Variants in DCLRE1C observed in about 807,000 individuals in gnomAD.
DCLRE1C encodes the protein protein artemis.
Under a neutral mutation model 61.4 loss-of-function variants are expected in DCLRE1C, and 47 were observed. The ratio of observed to expected loss-of-function variants is 0.77; its 90% CI spans 0.61 to 0.98. The LOEUF (loss-of-function observed/expected upper bound fraction) is 0.98. Ranked by LOEUF, DCLRE1C falls within the 50% of genes least tolerant of loss-of-function variation. DCLRE1C has a pLI of 0.00. For missense variants in DCLRE1C, 858 were observed against 816.0 expected (o/e 1.05, Z -0.63); for synonymous variants, 337 against 287.6 (o/e 1.17, Z -1.74).
chr10:14,930,269 A>T (rs1255517350), intron 9 of DCLRE1C, among the ~76,000 whole-genome samples: 4 of 111,932 alleles, frequency 3.6e-5, no homozygotes, highest in Non-Finnish European at 7.1e-5. Flanking sequence ...GCACCACCAC[A>T]CTCAGCACCT....
In DCLRE1C at chr10:14,907,289, T is replaced by C. The variant is rs1229955027; in HGVS notation, c.*1119A>G. Among the ~76,000 whole-genome samples the C allele has an allele frequency of 6.6e-6, 1 of 150,618 alleles. No homozygotes were observed. Among genetic ancestry groups the C allele is most frequent in the Non-Finnish European group, 1.5e-5 (1 of 67,842 alleles). On this transcript the variant is annotated 3_prime_UTR_variant, in exon 14 of 14. Coordinates refer to ENST00000378278, the MANE Select transcript of DCLRE1C (RefSeq NM_001033855.3). ...GATTTTGTCTATAGCCATCAGTTTA[T>C]CATACTAGATCCAAGTTTGTCAATT...
Position 14,899,464 on chromosome 10 carries a change from A to G in DCLRE1C, c.1157-152T>C, listed in dbSNP as rs1276407274. On this transcript the variant is annotated intron_variant, in intron 13 of 13. Coordinates refer to the DCLRE1C transcript ENST00000378289. ...TTTTTAAATATTTGTAGGTATTCGC[A>G]TATTAGTAGATAGGTAGATGAATGC... is the stretch of plus-strand genomic sequence containing the variant. 8 of 1,485,296 alleles carry G rather than the reference A, an allele frequency of 5.4e-6. No individual in the cohort carries two copies. The East Asian group carries it at 1.6e-4, about 29-fold the overall frequency. The allele number at this position is 1,485,296 out of a possible 1,614,324, so 92.0% of individuals were successfully genotyped here.
intron 4 of DCLRE1C, among the ~76,000 whole-genome samples, chr10:14,938,328 T>C (rs2004392): frequency 0.16 from 25,067 of 151,990 alleles, 2,597 homozygotes; most frequent in African/African-American, 0.29. Context: ...CAGGATGGCA[T>C]TTACAAAGGT....
chr10:14,934,046 G>T (rs1385475504), intron 8 of DCLRE1C, among the ~76,000 whole-genome samples: 4 of 152,102 alleles, frequency 2.6e-5, no homozygotes, highest in East Asian at 1.9e-4. Flanking sequence ...AGAATGAACA[G>T]ACTGGGAACA....
chr10:14,933,055 A>G, intron 8 of DCLRE1C, 100 bp from the exon 9 acceptor site: 3 of 1,310,330 alleles, frequency 2.3e-6, no homozygotes, highest in Non-Finnish European at 2.2e-6. Flanking sequence ...TAGTGAATTA[A>G]CCCTCTCTTC....
intron 8 of DCLRE1C, 121 bp downstream of exon 8, chr10:14,934,259 T>G (rs1184864178): frequency 8.0e-6 from 11 of 1,379,036 alleles, no homozygotes; most frequent in Middle Eastern, 2.6e-4. Context: ...ACCCGGGAGG[T>G]GGAGGCTGCA....
intron 3 of DCLRE1C, among the ~76,000 whole-genome samples, chr10:14,944,754 A>G (rs1005904793): frequency 1.7e-4 from 25 of 147,386 alleles, no homozygotes; most frequent in African/African-American, 6.3e-4. Context: ...AGCTCATTGC[A>G]ACCATTGCTT....
intron 13 of DCLRE1C, among the ~76,000 whole-genome samples, chr10:14,915,358 T>A (rs1330957508): frequency 2.0e-5 from 3 of 151,436 alleles, no homozygotes; most frequent in African/African-American, 7.3e-5. Context: ...ACCAAAAACT[T>A]CTTATTTGAG....
chr10:14,948,944 G>T, intron 2 of DCLRE1C, 92 bp downstream of exon 2: 1 of 887,366 alleles, frequency 1.1e-6, no homozygotes, highest in South Asian at 1.4e-5. Context: ...TTTTGTAAAT[G>T]ACTATATGCT....
At chr10:14,918,374 C>T (rs146807664) in intron 13 of DCLRE1C, among the ~76,000 whole-genome samples, 10 of 152,234 alleles carry the variant, frequency 6.6e-5, no homozygotes, top group East Asian at 3.9e-4. Context: ...ATAACCCAGA[C>T]GTACTATATG....
downstream of DCLRE1C, chr10:14,903,186 G>A (rs1834136353): frequency 6.6e-6 from 1 of 152,126 alleles, no homozygotes; most frequent in African/African-American, 2.4e-5. Context: ...TCTTCTAGAA[G>A]AAAAATCTCC....
intron 12 of DCLRE1C, among the ~76,000 whole-genome samples, chr10:14,921,172 T>C (rs531734768): frequency 1.6e-4 from 24 of 151,734 alleles, no homozygotes; most frequent in African/African-American, 5.3e-4. Flanking sequence ...TACAAAAAAT[T>C]AGCCGGGCGT....
At chr10:14,927,457 G>C (rs1481073905) in intron 10 of DCLRE1C, among the ~76,000 whole-genome samples, 1 of 151,040 alleles carries the variant, frequency 6.6e-6, no homozygotes. Context: ...CAAAGTTAAG[G>C]AAATGTTGCT....
intron 4 of DCLRE1C, among the ~76,000 whole-genome samples, chr10:14,936,841 C>A (rs560924934): frequency 2.6e-5 from 4 of 152,280 alleles, no homozygotes; most frequent in East Asian, 1.9e-4. Context: ...GATGGCCACA[C>A]AAAAATGTGT....
chr10:14,943,169 C>G (rs767808618), intron 3 of DCLRE1C, among the ~76,000 whole-genome samples: 100 of 152,188 alleles, frequency 6.6e-4, no homozygotes, highest in Admixed American at 9.8e-4. Context: ...GACACTGGGA[C>G]AAATTGCTCT....
intron 1 of DCLRE1C, among the ~76,000 whole-genome samples, chr10:14,951,240 G>T (rs549903439): frequency 2.0e-5 from 3 of 151,914 alleles, no homozygotes; most frequent in Admixed American, 6.6e-5. Context: ...AATTAGCCAG[G>T]CATGATGGTG....
intron 9 of DCLRE1C, among the ~76,000 whole-genome samples, chr10:14,928,775 G>T (rs982273225): frequency 2.7e-5 from 4 of 150,160 alleles, no homozygotes; most frequent in African/African-American, 9.8e-5. Flanking sequence ...TCCAAACGAA[G>T]GGTGTATGGT....
intron 13 of DCLRE1C, among the ~76,000 whole-genome samples, chr10:14,912,169 A>T (rs193232852): frequency 3.3e-5 from 5 of 152,320 alleles, no homozygotes; most frequent in Admixed American, 3.3e-4. Flanking sequence ...TGGAGACTTG[A>T]TCTGCCTAAG....
At chr10:14,942,219 G>C (rs1331155045) in intron 3 of DCLRE1C, 1 of 152,306 alleles carries the variant, frequency 6.6e-6, no homozygotes, top group African/African-American at 2.4e-5. Context: ...ATGTGCTTCA[G>C]AGCCAAAGCG....
Sources: allele counts gnomAD v4.1 joint callset (sites outside exome capture counted in the v4.1 genomes callset), GRCh38; gene constraint gnomAD v4.1.1; transcripts MANE v1.5; gene names NCBI Gene and HGNC (gene_info 2026-07-23, HGNC 2026-07-21).